RYR3: variants seen among roughly 807,000 people sequenced by gnomAD.
The protein encoded by RYR3 is brain ryanodine receptor-calcium release channel.
Under a neutral mutation model 584.3 loss-of-function variants are expected in RYR3, and 207 were observed. That is an observed-to-expected ratio of 0.35 (90% CI 0.32 to 0.40). The LOEUF (loss-of-function observed/expected upper bound fraction) is 0.40, where lower values mean the gene tolerates loss of function less well. Ranked by LOEUF, RYR3 falls within the 10% of genes least tolerant of loss-of-function variation. RYR3 has a pLI of 1.00. For synonymous variants in RYR3, 2,416 were observed against 2,248.5 expected, an observed-to-expected ratio of 1.07 and a Z score of -2.11; for missense variants, 5,616 against 6,089.2, an observed-to-expected ratio of 0.92 and a Z score of 2.59.
At chr15:33,663,495 C>A in intron 35 of RYR3, 42 bp from the exon 36 acceptor site, 2 of 1,568,336 alleles carry the variant, frequency 1.3e-6, no homozygotes, top group East Asian at 2.3e-5. Context: ...GCAGCCTCAC[C>A]AAAGTACACA....
At chr15:33,734,232 T>G (rs2069205993) in intron 48 of RYR3, among the ~76,000 whole-genome samples, 1 of 152,226 alleles carries the variant, frequency 6.6e-6, no homozygotes, top group Non-Finnish European at 1.5e-5. Flanking sequence ...AAGATTTTTA[T>G]GATAACTGGC....
At chr15:33,804,170 G>A (rs568487706) in intron 69 of RYR3, among the ~76,000 whole-genome samples, 17 of 152,182 alleles carry the variant, frequency 1.1e-4, no homozygotes, top group South Asian at 2.1e-4. Flanking sequence ...TTGCTGGTCC[G>A]GTTAGTCTGT....
Position 33,379,687 on chromosome 15 carries a change from C to CTCTCTCTA in RYR3, c.51+68592_51+68593insCTCTCTAT. 8.0e-3 allele frequency among the ~76,000 whole-genome samples: 1,004 copies of CTCTCTCTA among 125,488 alleles called. 3 individuals carry two copies. The highest frequency in any genetic ancestry group is 0.012 in the South Asian group (48 of 3,918). The allele number at this position is 125,488 out of a possible 152,430, so 82.3% of individuals were successfully genotyped here. A position where few individuals can be genotyped will look rare whatever the true frequency, so the allele number is the denominator to read the frequency against. The stretch of plus-strand genomic sequence containing the variant: ...TGTCCCTCTCTCTCTCTCTCTCTCT[C>CTCTCTCTA]TATATATATATATATATATATGAAT... On this transcript the variant is annotated intron_variant, in intron 1 of 103. Coordinates refer to ENST00000634891, the MANE Select transcript of RYR3 (RefSeq NM_001036.6).
intron 43 of RYR3, among the ~76,000 whole-genome samples, chr15:33,720,803 G>A (rs776219719): frequency 5.3e-5 from 8 of 152,168 alleles, no homozygotes; most frequent in Non-Finnish European, 1.0e-4. Context: ...GAACCCTAGA[G>A]GGTGAGGCTG....
intron 1 of RYR3, among the ~76,000 whole-genome samples, chr15:33,392,882 A>G (rs1432577283): frequency 6.6e-6 from 1 of 152,220 alleles, no homozygotes; most frequent in Non-Finnish European, 1.5e-5. Flanking sequence ...AATAAAACCT[A>G]TGCATATATG....
At chr15:33,370,228 A>G (rs1380115024) in intron 1 of RYR3, among the ~76,000 whole-genome samples, 2 of 152,140 alleles carry the variant, frequency 1.3e-5, no homozygotes, top group Admixed American at 6.5e-5. Flanking sequence ...AAAAAAGGCT[A>G]TTATTTCCAT....
chr15:33,733,336 T>A (rs2069124313), intron 48 of RYR3, among the ~76,000 whole-genome samples: 1 of 152,188 alleles, frequency 6.6e-6, no homozygotes, highest in East Asian at 1.9e-4. Context: ...TGCCAAAACT[T>A]GGGAGCAATC....
intron 1 of RYR3, among the ~76,000 whole-genome samples, chr15:33,393,349 C>T (rs1465113360): frequency 6.6e-6 from 1 of 152,124 alleles, no homozygotes; most frequent in Non-Finnish European, 1.5e-5. Flanking sequence ...ACCTATTGAC[C>T]CTCCTCCCCT....
At chr15:33,842,399 A>G (rs539712555) in intron 91 of RYR3, among the ~76,000 whole-genome samples, 14 of 152,386 alleles carry the variant, frequency 9.2e-5, no homozygotes, top group African/African-American at 3.1e-4. Context: ...CGTGGGAATC[A>G]GAAAGAATGT....
chr15:33,644,296 C>T lies in RYR3; in HGVS notation c.3557-15C>T. 1 of 1,599,382 alleles carries T rather than the reference C, an allele frequency of 6.3e-7. No individual in the cohort carries two copies. The highest frequency in any genetic ancestry group is 8.5e-7 in the Non-Finnish European group (1 of 1,172,552). On this transcript the variant is annotated splice_polypyrimidine_tract_variant and intron_variant, in intron 27 of 103. Transcript: ENST00000634891. ...TGCCTTCGGGCTAAAGCAGGTCTCT[C>T]TAACTCTTCTGCAGGCTTCGTGCCC...
intron 69 of RYR3, among the ~76,000 whole-genome samples, chr15:33,805,605 G>A (rs11856721): frequency 6.6e-6 from 1 of 151,722 alleles, no homozygotes; most frequent in Non-Finnish European, 1.5e-5. Context: ...AGCCTCCCAA[G>A]TAGCTGGGAC....
At position 33,623,908 on chromosome 15, in the gene RYR3, G is replaced by T. The variant is rs1411067332; in HGVS notation, c.2459G>T (p.Arg820Ile). The T allele has an allele frequency of 6.2e-6, 10 of 1,613,852 alleles. No individual in the cohort carries two copies. Among genetic ancestry groups the T allele is most frequent in the Non-Finnish European group, 8.5e-6 (10 of 1,179,780 alleles). Residue 820 changes from arginine (R) to isoleucine (I), a missense_variant, in exon 20 of 104, where the codon AGA (arginine) becomes ATA (isoleucine). Arg to Ile is a moderately conservative substitution (Grantham distance 97). Coordinates refer to ENST00000634891, the MANE Select transcript of RYR3 (RefSeq NM_001036.6). ...GCCTTACTTCCAAAAGAGAAGATGA[G>T]ATTGGAGCCTGTCAAAGAATATAAA... ...YEALLPKEKMRLEPVKEYKRD... is the reference protein window; with the variant it reads ...YEALLPKEKMILEPVKEYKRD...
intron 19 of RYR3, among the ~76,000 whole-genome samples, chr15:33,618,737 T>C (rs1310976174): frequency 6.6e-6 from 1 of 152,226 alleles, no homozygotes; most frequent in Non-Finnish European, 1.5e-5. Context: ...AAGACTAAAA[T>C]GATTTTACAC....
At chr15:33,571,324 T>C (rs1043442935) in intron 12 of RYR3, among the ~76,000 whole-genome samples, 7 of 152,236 alleles carry the variant, frequency 4.6e-5, no homozygotes, top group African/African-American at 1.7e-4. Flanking sequence ...ATGCTTTTTC[T>C]TGGTCTATCG....
At chr15:33,362,009 C>T (rs1974833929) in intron 1 of RYR3, among the ~76,000 whole-genome samples, 1 of 152,200 alleles carries the variant, frequency 6.6e-6, no homozygotes, top group Non-Finnish European at 1.5e-5. Flanking sequence ...TAAGTTGCCG[C>T]ATTCCCAAGG....
At chr15:33,348,705 A>T (rs1165798699) in intron 1 of RYR3, among the ~76,000 whole-genome samples, 1 of 152,008 alleles carries the variant, frequency 6.6e-6, no homozygotes, top group Non-Finnish European at 1.5e-5. Flanking sequence ...TGAACTCCTG[A>T]CCACAAGTGA....
chr15:33,568,697 T>C (rs1012592803), intron 12 of RYR3, among the ~76,000 whole-genome samples: 2 of 152,138 alleles, frequency 1.3e-5, no homozygotes, highest in Non-Finnish European at 2.9e-5. Flanking sequence ...TCCCAAAATG[T>C]TGGCATTATA....
In RYR3 at chr15:33,322,291, G is replaced by A. The variant is rs572519837; in HGVS notation, c.51+11195G>A. Among the ~76,000 whole-genome samples the A allele has an allele frequency of 2.6e-5, 4 of 152,300 alleles. No individual in the cohort carries two copies. The East Asian group carries it at 7.7e-4, about 29-fold the overall frequency. The stretch of plus-strand genomic sequence containing the variant: ...GCTCGGCTTCTGGGGAGGCCTCCAG[G>A]AGCTTTTCGGCATAGTGAAAAGCAA... On this transcript the variant is annotated intron_variant, in intron 1 of 103. Coordinates refer to ENST00000634891, the MANE Select transcript of RYR3 (RefSeq NM_001036.6).
intron 10 of RYR3, among the ~76,000 whole-genome samples, chr15:33,559,998 T>G (rs1431201472): frequency 6.6e-6 from 1 of 152,176 alleles, no homozygotes. Flanking sequence ...AGATAATAAT[T>G]GTATTCCATA....
Sources: gnomAD v4.1 joint callset for allele counts (sites outside exome capture counted in the v4.1 genomes callset) on GRCh38, gnomAD v4.1.1 for gene constraint, MANE v1.5 for transcripts, NCBI Gene and HGNC (gene_info 2026-07-23, HGNC 2026-07-21) for gene names.